The following JAZF1 variants were observed in gnomAD, a reference collection of about 807,000 sequenced individuals.
JAZF1 encodes the protein juxtaposed with another zinc finger protein 1.
In JAZF1, 8 loss-of-function variants were observed where a neutral mutation model predicts 26.4. The ratio of observed to expected loss-of-function variants is 0.30; its 90% CI spans 0.18 to 0.55. JAZF1 has a LOEUF of 0.55. JAZF1 is among the 20% of genes least tolerant of loss of function. The pLI is 0.94. For missense variants in JAZF1, 199 were observed against 322.0 expected (o/e 0.62, Z 2.92); for synonymous variants, 126 against 122.3 (o/e 1.03, Z -0.20).
At chr7:28,034,099 C>A (rs746045740) in intron 1 of JAZF1, among the ~76,000 whole-genome samples, 35 of 151,924 alleles carry the variant, frequency 2.3e-4, no homozygotes, top group Non-Finnish European at 3.4e-4. Context: ...AATACCAATA[C>A]CTCTCTAAAA....
chr7:27,844,315 C>T (rs981021538), intron 3 of JAZF1: 1 of 152,276 alleles, frequency 6.6e-6, no homozygotes, highest in African/African-American at 2.4e-5. Flanking sequence ...TTATCCATTT[C>T]CTCATGTTTT....
chr7:27,954,263 T>C (rs1441164876), intron 2 of JAZF1, among the ~76,000 whole-genome samples: 6 of 152,230 alleles, frequency 3.9e-5, no homozygotes, highest in Admixed American at 3.9e-4. Context: ...CACTATTTCC[T>C]GCTTAACTAC....
chr7:27,973,285 T>C (rs1362838159), intron 2 of JAZF1, among the ~76,000 whole-genome samples: 1 of 151,666 alleles, frequency 6.6e-6, no homozygotes, highest in African/African-American at 2.4e-5. Flanking sequence ...CAGGCTGGAG[T>C]GTGTGTGTGT....
chr7:27,838,149 C>A (rs1291077568), intron 4 of JAZF1, among the ~76,000 whole-genome samples: 1 of 152,080 alleles, frequency 6.6e-6, no homozygotes, highest in African/African-American at 2.4e-5. Context: ...TGCCCATTCC[C>A]TGGGTGTCTT....
At chr7:27,883,849 C>T (rs1783812735) in intron 3 of JAZF1, among the ~76,000 whole-genome samples, 1 of 152,196 alleles carries the variant, frequency 6.6e-6, no homozygotes, top group Non-Finnish European at 1.5e-5. Context: ...CTTAATATGT[C>T]CCGTAACTGG....
intron 4 of JAZF1, among the ~76,000 whole-genome samples, chr7:27,839,448 C>G (rs1322161279): frequency 6.6e-6 from 1 of 152,232 alleles, no homozygotes; most frequent in Non-Finnish European, 1.5e-5. Flanking sequence ...GCTTGTCCAA[C>G]AATCCTGTGG....
At chr7:28,009,615 G>A (rs1305741877) in intron 1 of JAZF1, among the ~76,000 whole-genome samples, 2 of 152,008 alleles carry the variant, frequency 1.3e-5, no homozygotes, top group African/African-American at 4.8e-5. Context: ...TCCCGAGTAG[G>A]TGGGACTACA....
chr7:27,863,827 C>G (rs1253156304), intron 3 of JAZF1: 1 of 152,222 alleles, frequency 6.6e-6, no homozygotes, highest in African/African-American at 2.4e-5. Context: ...AGCGAAGACA[C>G]ACAAAAACGT....
chr7:28,113,711 C>T (rs1165662183), intron 1 of JAZF1, among the ~76,000 whole-genome samples: 10 of 152,194 alleles, frequency 6.6e-5, no homozygotes. Flanking sequence ...GTCCACACCA[C>T]TACGTAGTGA....
chr7:27,935,352 C>T (rs1215742016), intron 2 of JAZF1, among the ~76,000 whole-genome samples: 1 of 152,164 alleles, frequency 6.6e-6, no homozygotes, highest in African/African-American at 2.4e-5. Flanking sequence ...CATATTCATA[C>T]ACAAGAACAT....
rs891483156 is a variant in JAZF1, at chr7:27,840,048, C to T, written c.555+650G>A. 1.3e-5 allele frequency among the ~76,000 whole-genome samples: 2 copies of T among 152,190 alleles called. No individual in the cohort carries two copies. Among genetic ancestry groups the T allele is most frequent in the African/African-American group, 4.8e-5 (2 of 41,430 alleles). On this transcript the variant is annotated intron_variant, in intron 4 of 4. Coordinates refer to ENST00000283928, the MANE Select transcript of JAZF1 (RefSeq NM_175061.4). The surrounding 1 kb of genome is among the most constrained non-coding windows in gnomAD (Gnocchi z 5.1). ...TGTTTCTCGTTGTTTTGTCCCTGTTCCTTATTAGAAAAGTTAGCACCCCCA... is the reference window on the plus strand; with the variant it reads ...TGTTTCTCGTTGTTTTGTCCCTGTTTCTTATTAGAAAAGTTAGCACCCCCA...
intron 2 of JAZF1, among the ~76,000 whole-genome samples, chr7:27,941,698 T>G (rs1562535604): frequency 6.6e-6 from 1 of 152,170 alleles, no homozygotes; most frequent in East Asian, 1.9e-4. Context: ...ACTGTCAAAA[T>G]GATAAAACTA....
chr7:28,010,098 C>T (rs530510658), intron 1 of JAZF1, among the ~76,000 whole-genome samples: 2 of 152,340 alleles, frequency 1.3e-5, no homozygotes, highest in South Asian at 4.1e-4. Flanking sequence ...CATACCTCAT[C>T]TACACTCTAT....
chr7:27,933,915 A>C (rs923765384), intron 2 of JAZF1, among the ~76,000 whole-genome samples: 1 of 152,228 alleles, frequency 6.6e-6, no homozygotes, highest in African/African-American at 2.4e-5. Context: ...CACAGGAAAG[A>C]TAATCCAGGA....
rs561044239 is a variant in JAZF1 at position 27,836,725 on chromosome 7, G to A, written c.556-3749C>T. ...CCTCACCAGCCCCAGAAAGCAGGAG[G>A]CTGAGGTGCACGCAGTTCCCTACTG... On this transcript the variant is annotated intron_variant, in intron 4 of 4. Transcript: ENST00000283928. Among the ~76,000 whole-genome samples the A allele has an allele frequency of 2.6e-5, 4 of 152,292 alleles. No individual in the cohort carries two copies. In the East Asian group the frequency reaches 7.7e-4, roughly 29 times the overall value.
intron 2 of JAZF1, among the ~76,000 whole-genome samples, chr7:27,991,597 C>T (rs904224786): frequency 2.6e-5 from 4 of 152,168 alleles, no homozygotes; most frequent in African/African-American, 9.7e-5. Flanking sequence ...AAAAGGTTCA[C>T]TCGAACATAA....
chr7:28,155,465 GTT>G (rs757571050), intron 1 of JAZF1, among the ~76,000 whole-genome samples: 40 of 152,300 alleles, frequency 2.6e-4, no homozygotes, highest in Non-Finnish European at 4.3e-4. Flanking sequence ...CTGCCACAGA[GTT>G]ATACGGTCTT....
At chr7:27,998,195 G>T (rs573287688) in intron 1 of JAZF1, among the ~76,000 whole-genome samples, 1 of 152,076 alleles carries the variant, frequency 6.6e-6, no homozygotes, top group Non-Finnish European at 1.5e-5. Context: ...CAGAAGCCCT[G>T]CGTCCTGAGT....
intron 3 of JAZF1, among the ~76,000 whole-genome samples, chr7:27,893,312 C>T (rs985639564): frequency 6.6e-6 from 1 of 152,182 alleles, no homozygotes; most frequent in South Asian, 2.1e-4. Context: ...CAGAGAAATA[C>T]GTAAACTGTC....
Sources: gnomAD v4.1 joint callset for allele counts (sites outside exome capture counted in the v4.1 genomes callset) on GRCh38, gnomAD v4.1.1 for gene constraint, Gnocchi (gnomAD v3.1) non-coding constraint, MANE v1.5 for transcripts, NCBI Gene and HGNC (gene_info 2026-07-23, HGNC 2026-07-21) for gene names.